FBXL2: variants seen among roughly 807,000 people sequenced by gnomAD.
FBXL2 encodes the protein F-box/LRR-repeat protein 2.
A neutral mutation model predicts 69.2 loss-of-function variants in FBXL2; 38 were observed. The observed-to-expected ratio is 0.55, with a 90% CI of 0.42 to 0.72. The LOEUF is 0.72. FBXL2 is among the 30% of genes least tolerant of loss of function. The pLI is 0.00. For missense variants in FBXL2, 354 were observed against 520.3 expected (o/e 0.68, Z 3.11); for synonymous variants, 192 against 201.3 (o/e 0.95, Z 0.39).
chr3:33,359,039 T>A lies in FBXL2; in HGVS notation c.120+18T>A. 6.7e-7 allele frequency: 1 copy of A among 1,485,410 alleles called. No homozygotes were observed. The highest frequency in any genetic ancestry group is 1.4e-5 in the African/African-American group (1 of 71,540). 92.0% of individuals were successfully genotyped at this position (1,485,410 alleles called of 1,614,324 possible). A position where few individuals can be genotyped will look rare whatever the true frequency, so the allele number is the denominator to read the frequency against. ...TTTCCAAGGTAGAGTATTCACCAGA[T>A]TTTTTAATCAATAAATATCAAGTTT... On this transcript the variant is annotated intron_variant, in intron 3 of 14. Coordinates refer to ENST00000484457, the MANE Select transcript of FBXL2 (RefSeq NM_012157.5).
chr3:33,372,938 C>G, intron 5 of FBXL2, 154 bp from the exon 6 acceptor site: 1 of 689,452 alleles, frequency 1.5e-6, no homozygotes, highest in Non-Finnish European at 2.6e-6. Context: ...CTAGATCTAT[C>G]ATCAGAATCT....
At chr3:33,380,626 T>C (rs2042988402) in intron 13 of FBXL2, among the ~76,000 whole-genome samples, 1 of 151,398 alleles carries the variant, frequency 6.6e-6, no homozygotes, top group Non-Finnish European at 1.5e-5. Flanking sequence ...TACACAGGGA[T>C]AACTATCACT....
At position 33,384,266 on chromosome 3, in the gene FBXL2, A is replaced by G. The variant is rs561996832; in HGVS notation, c.1164+65A>G. ...CTAAGCACCAAAGGAAAACATCAAGAATCAGACCGGGGCTAGGCACGCGGT... is the reference window on the plus strand; with the variant it reads ...CTAAGCACCAAAGGAAAACATCAAGGATCAGACCGGGGCTAGGCACGCGGT... On this transcript the variant is annotated intron_variant, in intron 14 of 14. Transcript: ENST00000484457. 113 of 1,526,442 alleles carry G rather than the reference A, an allele frequency of 7.4e-5. 1 individual carries two copies. The East Asian group carries it at 2.4e-3, about 33-fold the overall frequency. 94.6% of individuals were successfully genotyped at this position (1,526,442 alleles called of 1,614,324 possible).
intron 12 of FBXL2, chr3:33,400,287 T>C: frequency 6.3e-7 from 1 of 1,589,256 alleles, no homozygotes; most frequent in Non-Finnish European, 8.5e-7. Flanking sequence ...AATTTGCTAT[T>C]AACAATGAAA....
intron 1 of FBXL2, among the ~76,000 whole-genome samples, chr3:33,279,512 T>C (rs1470576328): frequency 6.6e-6 from 1 of 152,164 alleles, no homozygotes; most frequent in Non-Finnish European, 1.5e-5. Flanking sequence ...CTTGTGATCC[T>C]CCTGCCTTGG....
chr3:33,314,793 G>T (rs1213857311), intron 2 of FBXL2, among the ~76,000 whole-genome samples: 1 of 152,004 alleles, frequency 6.6e-6, no homozygotes, highest in Non-Finnish European at 1.5e-5. Flanking sequence ...CTAACAACTC[G>T]GAAGCCAATA....
chr3:33,413,523 G>C, the FBXL2 span, among the ~76,000 whole-genome samples: 219 of 147,838 alleles, frequency 1.5e-3, no homozygotes, highest in African/African-American at 5.3e-3. Flanking sequence ...CTCCAGCCTA[G>C]GTGACAGAGC....
At chr3:33,417,064 C>T in the FBXL2 span, among the ~76,000 whole-genome samples, 3 of 152,202 alleles carry the variant, frequency 2.0e-5, no homozygotes, top group South Asian at 6.2e-4. Context: ...TCTTCATCTG[C>T]CACTCTCTTA....
chr3:33,277,871 A>G (rs921852982), intron 1 of FBXL2, among the ~76,000 whole-genome samples: 11 of 152,176 alleles, frequency 7.2e-5, no homozygotes, highest in South Asian at 2.1e-4. Flanking sequence ...AAAATCTTGT[A>G]TATGGATATC....
At chr3:33,360,918 CTTTTTTTTTTTT>C (rs58912118) in intron 4 of FBXL2, among the ~76,000 whole-genome samples, 46 of 57,126 alleles carry the variant, frequency 8.1e-4, no homozygotes, top group African/African-American at 1.7e-3. Context: ...ACATGAAGAA[CTTTTTTTTTTTT>C]TTTTTTTTTT....
At chr3:33,293,313 G>A (rs9815807) in intron 1 of FBXL2, among the ~76,000 whole-genome samples, 1 of 152,098 alleles carries the variant, frequency 6.6e-6, no homozygotes, top group African/African-American at 2.4e-5. Context: ...ATCACTATCC[G>A]TATTTTGCTG....
intron 2 of FBXL2, among the ~76,000 whole-genome samples, chr3:33,317,910 G>C (rs1466500346): frequency 6.6e-6 from 1 of 152,112 alleles, no homozygotes; most frequent in East Asian, 1.9e-4. Context: ...CAGATTTTTG[G>C]ATTAGGGATA....
intron 2 of FBXL2, among the ~76,000 whole-genome samples, chr3:33,310,733 T>C (rs936111775): frequency 2.6e-5 from 4 of 152,040 alleles, no homozygotes; most frequent in African/African-American, 9.7e-5. Context: ...TTTGCCTGGG[T>C]AAAGTATTCT....
chr3:33,340,302 G>A (rs900151751), intron 2 of FBXL2, among the ~76,000 whole-genome samples: 4 of 152,014 alleles, frequency 2.6e-5, no homozygotes, highest in South Asian at 2.1e-4. Flanking sequence ...TTGTGGGGGC[G>A]TATTTTAGAT....
downstream of FBXL2, chr3:33,392,516 A>G (rs763880538): frequency 6.5e-7 from 1 of 1,539,250 alleles, no homozygotes; most frequent in South Asian, 1.2e-5. Context: ...GGCACACACC[A>G]TCTCTCATGA....
At chr3:33,310,890 G>A (rs922242722) in intron 2 of FBXL2, among the ~76,000 whole-genome samples, 5 of 151,776 alleles carry the variant, frequency 3.3e-5, no homozygotes, top group Admixed American at 6.6e-5. Flanking sequence ...TTCTCCTGCC[G>A]CAGCCTCTTG....
intron 2 of FBXL2, among the ~76,000 whole-genome samples, chr3:33,346,502 T>G (rs909917410): frequency 1.3e-5 from 2 of 151,992 alleles, no homozygotes; most frequent in African/African-American, 4.8e-5. Context: ...AAGGTTACAG[T>G]GAGCTATGAT....
chr3:33,394,074 T>C (rs1186797086), intron 12 of FBXL2, among the ~76,000 whole-genome samples: 1 of 151,994 alleles, frequency 6.6e-6, no homozygotes, highest in Non-Finnish European at 1.5e-5. Context: ...TGGAGTGCAG[T>C]GACACAATCA....
At chr3:33,377,778 C>T (rs1216247340) in intron 11 of FBXL2, among the ~76,000 whole-genome samples, 12 of 152,214 alleles carry the variant, frequency 7.9e-5, no homozygotes, top group Admixed American at 5.9e-4. Flanking sequence ...AGTGCCCCAT[C>T]CCCATGCCCT....
Sources: allele counts gnomAD v4.1 joint callset (sites outside exome capture counted in the v4.1 genomes callset), GRCh38; gene constraint gnomAD v4.1.1; transcripts MANE v1.5; gene names NCBI Gene and HGNC (gene_info 2026-07-23, HGNC 2026-07-21).